CDH23: variants seen among roughly 807,000 people sequenced by gnomAD.
CDH23 encodes the protein cadherin-23.
In CDH23, 189 loss-of-function variants were observed where a neutral mutation model predicts 317.1. The ratio of observed to expected loss-of-function variants is 0.60; its 90% CI spans 0.53 to 0.67. The LOEUF (loss-of-function observed/expected upper bound fraction) is 0.67. Among genes scored for constraint, CDH23 ranks in the 30% least tolerant of loss-of-function variants. The pLI, the probability that CDH23 is intolerant of heterozygous loss-of-function variation, is 0.00. For missense variants in CDH23, 4,401 were observed against 4,592.4 expected (o/e 0.96, Z 1.20); for synonymous variants, 1,839 against 1,876.8 (o/e 0.98, Z 0.52).
intron 48 of CDH23, chr10:71,795,647 T>C: frequency 3.2e-6 from 1 of 313,462 alleles, no homozygotes; most frequent in Non-Finnish European, 4.6e-6. Flanking sequence ...GGCTTCCACT[T>C]GCTCCCCTGG....
At chr10:71,726,970 G>A (rs534635449) in intron 30 of CDH23, among the ~76,000 whole-genome samples, 2 of 152,304 alleles carry the variant, frequency 1.3e-5, no homozygotes, top group South Asian at 2.1e-4. Flanking sequence ...AAAACAGATC[G>A]AAGCCAGACT....
intron 24 of CDH23, among the ~76,000 whole-genome samples, chr10:71,703,161 A>T (rs1015447638): frequency 6.6e-6 from 1 of 152,146 alleles, no homozygotes; most frequent in African/African-American, 2.4e-5. Flanking sequence ...GGCCAAGCAC[A>T]TGGTCTGATC....
At chr10:71,532,705 GTTTTTGTTTTTTTTTT>G (rs1480605806) in intron 6 of CDH23, among the ~76,000 whole-genome samples, 26 of 59,692 alleles carry the variant, frequency 4.4e-4, no homozygotes, top group Non-Finnish European at 6.4e-4. Context: ...GTTTTCTTTT[GTTTTTGTTTTTTTTTT>G]TTTTTGTTTT....
intron 3 of CDH23, among the ~76,000 whole-genome samples, chr10:71,490,796 T>C (rs1339454956): frequency 6.6e-6 from 1 of 152,230 alleles, no homozygotes; most frequent in Non-Finnish European, 1.5e-5. Context: ...GTGTAGTAGA[T>C]ACTGTTATTA....
At chr10:71,591,317 C>T (rs1445000277) in intron 9 of CDH23, among the ~76,000 whole-genome samples, 5 of 152,286 alleles carry the variant, frequency 3.3e-5, no homozygotes, top group Middle Eastern at 3.4e-3. Flanking sequence ...CACAAAGAGA[C>T]GGTTATTCCA....
intron 14 of CDH23, among the ~76,000 whole-genome samples, chr10:71,657,049 C>A (rs1299436972): frequency 1.3e-5 from 2 of 152,174 alleles, no homozygotes; most frequent in Non-Finnish European, 2.9e-5. Context: ...TGCTGCTTCA[C>A]CCTCCTCTCC....
At chr10:71,813,473 T>TG in intron 69 of CDH23, 125 bp downstream of exon 69, 1 of 828,540 alleles carries the variant, frequency 1.2e-6, no homozygotes, top group Non-Finnish European at 2.0e-6. Context: ...AAGACAGCAA[T>TG]GGGTGGGGGC....
intron 6 of CDH23, among the ~76,000 whole-genome samples, chr10:71,515,386 TCTCTCTCTCACACA>T (rs767578645): frequency 0.019 from 2,507 of 132,240 alleles, 74 homozygotes; most frequent in African/African-American, 0.072. Flanking sequence ...TCTCTCTCTC[TCTCTCTCTCACACA>T]CACACACACA....
At chr10:71,689,383 G>A (rs920134367) in intron 19 of CDH23, among the ~76,000 whole-genome samples, 1 of 152,078 alleles carries the variant, frequency 6.6e-6, no homozygotes, top group Non-Finnish European at 1.5e-5. Context: ...CCTGGAGAAT[G>A]TCACTGCTAA....
At chr10:71,420,713 A>G (rs1435461916) in intron 1 of CDH23, among the ~76,000 whole-genome samples, 1 of 152,094 alleles carries the variant, frequency 6.6e-6, no homozygotes, top group Non-Finnish European at 1.5e-5. Flanking sequence ...CCTATGAAGT[A>G]GGTATGACTA....
chr10:71,606,505 T>A (rs1422709991), intron 9 of CDH23, among the ~76,000 whole-genome samples: 1 of 152,176 alleles, frequency 6.6e-6, no homozygotes, highest in South Asian at 2.1e-4. Flanking sequence ...TTTGGACCAG[T>A]CTCAGAGTGG....
At chr10:71,794,009 C>T (rs925608277) in intron 48 of CDH23, among the ~76,000 whole-genome samples, 3 of 151,074 alleles carry the variant, frequency 2.0e-5, no homozygotes, top group African/African-American at 7.3e-5. Context: ...TTTGTTTTGG[C>T]TTTTTTTTTG....
At chr10:71,510,907 C>T in intron 4 of CDH23, 47 bp from the exon 5 acceptor site, 1 of 1,607,444 alleles carries the variant, frequency 6.2e-7, no homozygotes, top group Non-Finnish European at 8.5e-7. Flanking sequence ...GACCCAGGAC[C>T]TCAGCACCGC....
rs553405751 is a variant in CDH23, at chr10:71,706,919, G to A, written c.2976G>A (p.Thr992=). ...CAGTGCTGGATGTGAACGACGAGACGCCCACCTTCTTCCCGGCCGTGTACA... is the reference window on the plus strand; with the variant it reads ...CAGTGCTGGATGTGAACGACGAGACACCCACCTTCTTCCCGGCCGTGTACA... ...TIHVLDVNDE[T]PTFFPAVYNV... is the part of the protein sequence containing the mutation. The change falls in exon 26 of 70, where the codon ACG becomes ACA. Residue 992 remains threonine (T), a synonymous_variant. Transcript: ENST00000224721. The A allele has an allele frequency of 4.6e-5, 74 of 1,604,162 alleles. 1 individual carries two copies. Among genetic ancestry groups the A allele is most frequent in the Admixed American group, 3.9e-4 (23 of 58,770 alleles).
intron 18 of CDH23, among the ~76,000 whole-genome samples, chr10:71,684,559 C>T (rs1214361889): frequency 6.6e-6 from 1 of 152,244 alleles, no homozygotes; most frequent in Admixed American, 6.5e-5. Context: ...GTCTCTGAAA[C>T]AACTTCCTCA....
intron 7 of CDH23, among the ~76,000 whole-genome samples, chr10:71,569,995 G>A (rs1466479236): frequency 6.6e-6 from 1 of 152,048 alleles, no homozygotes; most frequent in Non-Finnish European, 1.5e-5. Flanking sequence ...CGAACTCCTG[G>A]GCTCAAGTGA....
At chr10:71,475,183 C>T (rs1851725592) in intron 3 of CDH23, among the ~76,000 whole-genome samples, 1 of 152,212 alleles carries the variant, frequency 6.6e-6, no homozygotes, top group African/African-American at 2.4e-5. Context: ...TGGCTCTCTT[C>T]TCACCACCAG....
At chr10:71,657,144 G>A (rs963589570) in intron 14 of CDH23, among the ~76,000 whole-genome samples, 1 of 152,190 alleles carries the variant, frequency 6.6e-6, no homozygotes, top group African/African-American at 2.4e-5. Flanking sequence ...CTGACCAGGT[G>A]GGCCCTGCAC....
intron 1 of CDH23, among the ~76,000 whole-genome samples, chr10:71,403,706 G>A (rs1483455702): frequency 4.6e-5 from 7 of 151,382 alleles, no homozygotes; most frequent in Non-Finnish European, 1.0e-4. Context: ...TAGTAGAAAC[G>A]GGGTTTCACC....
Sources: allele counts gnomAD v4.1 joint callset (sites outside exome capture counted in the v4.1 genomes callset), GRCh38; gene constraint gnomAD v4.1.1; transcripts MANE v1.5; gene names NCBI Gene and HGNC (gene_info 2026-07-23, HGNC 2026-07-21).